RECQL5: variants seen among roughly 807,000 people sequenced by gnomAD.
RECQL5 encodes ATP-dependent DNA helicase Q5.
In RECQL5, 88 loss-of-function variants were observed where a neutral mutation model predicts 103.4. The observed-to-expected ratio is 0.85, with a 90% CI of 0.72 to 1.02. RECQL5 has a LOEUF of 1.02. Among genes scored for constraint, RECQL5 ranks in the 50% least tolerant of loss-of-function variants. The pLI is 0.00. For missense variants in RECQL5, 1,232 were observed against 1,284.3 expected (o/e 0.96, Z 0.62); for synonymous variants, 552 against 507.9 (o/e 1.09, Z -1.17).
intron 7 of RECQL5, among the ~76,000 whole-genome samples, chr17:75,655,735 C>T (rs1431050385): frequency 6.6e-6 from 1 of 151,994 alleles, no homozygotes; most frequent in Non-Finnish European, 1.5e-5. Flanking sequence ...TCCTCCACTC[C>T]ATGGTATGAT....
At chr17:75,644,546 C>T (rs986691516) in intron 8 of RECQL5, among the ~76,000 whole-genome samples, 1 of 152,058 alleles carries the variant, frequency 6.6e-6, no homozygotes, top group Non-Finnish European at 1.5e-5. Flanking sequence ...GACAGTGGCA[C>T]TGCACTCCAG....
At position 75,662,727 on chromosome 17, in the gene RECQL5, G is replaced by C; in HGVS notation, c.523C>G (p.Arg175Gly). 1.2e-6 allele frequency: 2 copies of C among 1,613,994 alleles called. No homozygotes were observed. The highest frequency in any genetic ancestry group is 1.7e-6 in the Non-Finnish European group (2 of 1,180,016). ...AGGCGGGAGCGCAGGGCACCCAGAC[G>C]CAAGTAGTCAGGACGAAAGTCATGC... ...WGHDFRPDYL[R>G]LGALRSRLGH... is the part of the protein sequence containing the mutation. Residue 175 changes from arginine (R) to glycine (G), a missense_variant, in exon 4 of 20, where the codon CGT becomes GGT. Arg to Gly is a moderately radical substitution (Grantham distance 125). Transcript: ENST00000317905.
intron 8 of RECQL5, chr17:75,647,551 G>A (rs776205615): frequency 6.5e-7 from 1 of 1,550,156 alleles, no homozygotes; most frequent in South Asian, 1.2e-5. Flanking sequence ...GTGTGAAGCG[G>A]GTGAAGAGGA....
chr17:75,664,915 A>C, intron 3 of RECQL5, 136 bp downstream of exon 3: 1 of 815,152 alleles, frequency 1.2e-6, no homozygotes, highest in Non-Finnish European at 1.6e-6. Flanking sequence ...TCTGTCTCAA[A>C]AAAAAAAAAA....
intron 7 of RECQL5, among the ~76,000 whole-genome samples, chr17:75,657,632 TGGTCCCAGCTACTCAA>T (rs1369575378): frequency 6.6e-6 from 1 of 151,494 alleles, no homozygotes; most frequent in African/African-American, 2.4e-5. Context: ...CACACACCTG[TGGTCCCAGCTACTCAA>T]GGTGGGAAGA....
At position 75,667,045 on chromosome 17, in the gene RECQL5, A is replaced by G. The variant is rs750306159; in HGVS notation, c.-16T>C. 2.4e-5 allele frequency: 8 copies of G among 327,356 alleles called. No individual in the cohort carries two copies. The highest frequency in any genetic ancestry group is 4.5e-5 in the Non-Finnish European group (8 of 176,248). The allele number at this position is 327,356 out of a possible 1,614,324, so 20.3% of individuals were successfully genotyped here. A position where few individuals can be genotyped will look rare whatever the true frequency, so the allele number is the denominator to read the frequency against. On this transcript the variant is annotated splice_region_variant and 5_prime_UTR_variant, in exon 1 of 20. Coordinates refer to ENST00000317905, the MANE Select transcript of RECQL5 (RefSeq NM_004259.7). ...CTCCCTCTCTTCACCCTAAGATATC[A>G]GAACCGGCCGTGGTCCGCCCAAGAA... is the stretch of plus-strand genomic sequence containing the variant.
rs778184299 is a variant in RECQL5 at position 75,629,166 on chromosome 17, G to A, written c.2257C>T (p.Leu753=). 3 of 1,613,796 alleles carry A rather than the reference G, an allele frequency of 1.9e-6. No homozygotes were observed. The highest frequency in any genetic ancestry group is 1.6e-4 in the Middle Eastern group (1 of 6,062). ...GAATCCTTGTGGGCCGCTGTGGCTA[G>A]GAGCTGCTGTTTCTTGCTAGCCCGG... is the stretch of plus-strand genomic sequence containing the variant. ...KGRASKKQQL[L]ATAAHKDSQS... The change falls in exon 16 of 20, where the codon CTA becomes TTA. Residue 753 remains leucine, a synonymous_variant. Coordinates refer to ENST00000317905, the MANE Select transcript of RECQL5 (RefSeq NM_004259.7).
At chr17:75,657,341 C>T (rs776529399) in intron 7 of RECQL5, among the ~76,000 whole-genome samples, 43 of 151,984 alleles carry the variant, frequency 2.8e-4, no homozygotes, top group African/African-American at 3.9e-4. Flanking sequence ...GCTATGATTA[C>T]GCCTGTGAAT....
rs993293271 is a variant in RECQL5, at chr17:75,630,623, C to T, written c.1714G>A (p.Asp572Asn). 6.2e-7 allele frequency: 1 copy of T among 1,613,580 alleles called. No individual in the cohort carries two copies. The highest frequency in any genetic ancestry group is 1.3e-5 in the African/African-American group (1 of 74,928). The part of the protein sequence containing the change: ...SSNRQSTRTA[D>N]EADLRAKAVE... Reference sequence around the variant, plus strand: ...CCCAGTGATCGTGGAACTCACTCATCAGCGGTACGTGTTGACTGGCGGTTG... The same window carrying T: ...CCCAGTGATCGTGGAACTCACTCATTAGCGGTACGTGTTGACTGGCGGTTG... Residue 572 changes from aspartate to asparagine, a missense_variant, in exon 13 of 20, where the codon GAT becomes AAT. Physicochemically the swap from Asp to Asn is conservative, Grantham distance 23. Transcript: ENST00000317905.
chr17:75,647,394 C>T, intron 8 of RECQL5: 1 of 1,549,380 alleles, frequency 6.5e-7, no homozygotes, highest in Non-Finnish European at 8.7e-7. Flanking sequence ...AACTGGTATT[C>T]AAAGAGACAA....
chr17:75,664,985 T>A, intron 3 of RECQL5, 66 bp downstream of exon 3: 1 of 1,463,224 alleles, frequency 6.8e-7, no homozygotes, highest in South Asian at 1.4e-5. Flanking sequence ...AGAAGTGAAA[T>A]TTCCAGCCTC....
chr17:75,656,533 C>T (rs16968144), intron 7 of RECQL5, among the ~76,000 whole-genome samples: 31,662 of 119,700 alleles, frequency 0.26, 3,634 homozygotes, highest in East Asian at 0.49. Flanking sequence ...TTTTTTTTTT[C>T]CTTGGCTCTC....
intron 10 of RECQL5, 60 bp from the exon 11 acceptor site, chr17:75,631,070 C>A: frequency 1.2e-6 from 2 of 1,612,022 alleles, no homozygotes; most frequent in South Asian, 2.2e-5. Context: ...CAGTCCCATC[C>A]AGCACCAGAG....
In RECQL5 at chr17:75,640,021, T is replaced by C; in HGVS notation, c.1230-8353A>G. The C allele has an allele frequency of 1.2e-6, 1 of 816,198 alleles. No homozygotes were observed. Among genetic ancestry groups the C allele is most frequent in the African/African-American group, 1.7e-5 (1 of 57,238 alleles). 50.6% of individuals were successfully genotyped at this position (816,198 alleles called of 1,614,324 possible). A position where few individuals can be genotyped will look rare whatever the true frequency, so the allele number is the denominator to read the frequency against. On this transcript the variant is annotated intron_variant, in intron 8 of 19. Transcript: ENST00000317905. This position sits in a 1 kb window ranked among gnomAD's most constrained non-coding sequence, Gnocchi z 4.6. ...CTGGGTGGGGACTGAGGGCCACCAC[T>C]AGGTGGAAGTCACCAGGGGTGCAAT...
intron 13 of RECQL5, 65 bp downstream of exon 13, chr17:75,630,554 G>T: frequency 6.5e-7 from 1 of 1,543,490 alleles, no homozygotes; most frequent in Non-Finnish European, 8.9e-7. Context: ...GGTTGACAGG[G>T]TCCTGCAGTC....
rs918031703 is a variant in RECQL5 at position 75,627,376 on chromosome 17, G to A, written c.*46C>T. On this transcript the variant is annotated 3_prime_UTR_variant, in exon 20 of 20. Coordinates refer to ENST00000317905, the MANE Select transcript of RECQL5 (RefSeq NM_004259.7). ...GCAGGTGAGGCCCAGGATGACCCATGCTAGAATCTGGGGGAGGACGCGGGC... is the reference window on the plus strand; with the variant it reads ...GCAGGTGAGGCCCAGGATGACCCATACTAGAATCTGGGGGAGGACGCGGGC... 1 of 1,425,840 alleles carries A rather than the reference G, an allele frequency of 7.0e-7. No individual in the cohort carries two copies. The highest frequency in any genetic ancestry group is 1.1e-5 in the South Asian group (1 of 87,358). 88.3% of individuals were successfully genotyped at this position (1,425,840 alleles called of 1,614,324 possible).
In RECQL5 at chr17:75,655,221, G is replaced by A. The variant is rs541077475; in HGVS notation, c.1149+3077C>T. Among the ~76,000 whole-genome samples the A allele has an allele frequency of 1.2e-4, 18 of 152,216 alleles. No individual in the cohort carries two copies. In the East Asian group the frequency reaches 3.3e-3, roughly 28 times the overall value. ...CGAGTAACTGGGATTACAGGAGCCC[G>A]CCACCACGCGCGGCTAATTTTTGTA... On this transcript the variant is annotated intron_variant, in intron 7 of 19. Transcript: ENST00000317905.
chr17:75,651,277 A>G lies in RECQL5; in HGVS notation c.1150-12T>C, dbSNP rs771496565. 6.8e-6 allele frequency: 11 copies of G among 1,613,992 alleles called. No individual in the cohort carries two copies. In the Admixed American group the frequency reaches 1.7e-4, roughly 24 times the overall value. On this transcript the variant is annotated splice_polypyrimidine_tract_variant and intron_variant, in intron 7 of 19. Coordinates refer to ENST00000317905, the MANE Select transcript of RECQL5 (RefSeq NM_004259.7). ...TTTCCTCTCTTTTCCTGGGGACAAA[A>G]AATGACCACTTAGCAAGTCTTATAG...
chr17:75,642,181 G>A (rs1232426211), intron 8 of RECQL5, among the ~76,000 whole-genome samples: 3 of 152,130 alleles, frequency 2.0e-5, no homozygotes, highest in Admixed American at 1.3e-4. Context: ...GTAGAGCTAC[G>A]AACCCAGGAG....
Sources: allele counts gnomAD v4.1 joint callset (sites outside exome capture counted in the v4.1 genomes callset), GRCh38; gene constraint gnomAD v4.1.1; non-coding constraint Gnocchi (gnomAD v3.1); transcripts MANE v1.5; gene names NCBI Gene and HGNC (gene_info 2026-07-23, HGNC 2026-07-21).